Variants in AGTR1 observed in about 807,000 individuals in gnomAD.
The protein encoded by AGTR1 is type-1 angiotensin II receptor.
In AGTR1, 16 loss-of-function variants were observed where a neutral mutation model predicts 19.4. The observed-to-expected ratio is 0.82, with a 90% CI of 0.56 to 1.25. The LOEUF is 1.25. AGTR1 is among the 50% of genes most tolerant of loss of function. The pLI is 0.00. For synonymous variants in AGTR1, 153 were observed against 154.9 expected, an observed-to-expected ratio of 0.99 and a Z score of 0.09; for missense variants, 373 against 431.9, an observed-to-expected ratio of 0.86 and a Z score of 1.21.
chr3:148,741,190 T>C lies in AGTR1; in HGVS notation c.155T>C (p.Val52Ala), dbSNP rs150629733. The part of the protein sequence containing the change: ...GIFGNSLVVI[V>A]IYFYMKLKTV... ...TTTGGAAACAGCTTGGTGGTGATAG[T>C]CATTTACTTTTATATGAAGCTGAAG... The change falls in exon 3 of 3, where the codon GTC (valine) becomes GCC (alanine). Residue 52 changes from valine to alanine, a missense_variant. Physicochemically the swap from Val to Ala is moderately conservative, Grantham distance 64. Transcript: ENST00000349243. 3 of 1,614,174 alleles carry C rather than the reference T, an allele frequency of 1.9e-6. No individual in the cohort carries two copies. Among genetic ancestry groups the C allele is most frequent in the Non-Finnish European group, 2.5e-6 (3 of 1,180,040 alleles).
At chr3:148,713,688 AC>A (rs1713131963) in intron 2 of AGTR1, among the ~76,000 whole-genome samples, 1 of 152,126 alleles carries the variant, frequency 6.6e-6, no homozygotes, top group Non-Finnish European at 1.5e-5. Context: ...GTAGAAAAAA[AC>A]CCAGTATGAC....
Position 148,742,374 on chromosome 3 carries a change from T to G in AGTR1, c.*259T>G. 3.5e-6 allele frequency: 2 copies of G among 566,428 alleles called. No homozygotes were observed. Among genetic ancestry groups the G allele is most frequent in the Non-Finnish European group, 6.5e-6 (2 of 306,988 alleles). 35.1% of individuals were successfully genotyped at this position (566,428 alleles called of 1,614,324 possible). On this transcript the variant is annotated 3_prime_UTR_variant, in exon 3 of 3. Coordinates refer to ENST00000349243, the MANE Select transcript of AGTR1 (RefSeq NM_000685.5). ...AACAATGTCAGAAACTCGATGAATG[T>G]GTTGATTTGAGAAATTTTACTGACA...
intron 2 of AGTR1, among the ~76,000 whole-genome samples, chr3:148,723,676 A>G (rs1713772820): frequency 6.6e-6 from 1 of 152,216 alleles, no homozygotes; most frequent in African/African-American, 2.4e-5. Context: ...TCAGGCTGCC[A>G]TTCTGAAAGC....
intron 2 of AGTR1, among the ~76,000 whole-genome samples, chr3:148,720,832 A>G (rs1053300885): frequency 8.5e-5 from 13 of 152,214 alleles, no homozygotes; most frequent in Middle Eastern, 3.2e-3. Context: ...TGAATTCCAT[A>G]TATTTATAAT....
Position 148,741,958 on chromosome 3 carries a change from A to C in AGTR1, c.923A>C (p.Lys308Thr). ...CTTTTTTATGGCTTTCTGGGGAAAAAATTTAAAAGATATTTTCTCCAGCTT... is the reference window on the plus strand; with the variant it reads ...CTTTTTTATGGCTTTCTGGGGAAAACATTTAAAAGATATTTTCTCCAGCTT... ...NPLFYGFLGK[K>T]FKRYFLQLLK... Residue 308 changes from lysine (K) to threonine (T), a missense_variant, in exon 3 of 3, where the codon AAA becomes ACA. Lys to Thr is a moderately conservative substitution (Grantham distance 78). Coordinates refer to ENST00000349243, the MANE Select transcript of AGTR1 (RefSeq NM_000685.5). The C allele has an allele frequency of 1.2e-6, 2 of 1,613,834 alleles. No homozygotes were observed. Among genetic ancestry groups the C allele is most frequent in the East Asian group, 2.2e-5 (1 of 44,870 alleles).
At chr3:148,724,042 G>C (rs1202613152) in intron 2 of AGTR1, among the ~76,000 whole-genome samples, 1 of 152,046 alleles carries the variant, frequency 6.6e-6, no homozygotes, top group African/African-American at 2.4e-5. Flanking sequence ...GTTCCACAGT[G>C]TTGGGTTTTA....
At chr3:148,714,256 G>A (rs1285348853) in intron 2 of AGTR1, among the ~76,000 whole-genome samples, 1 of 152,078 alleles carries the variant, frequency 6.6e-6, no homozygotes, top group Non-Finnish European at 1.5e-5. Context: ...ATAAAGATGA[G>A]AACAATCACG....
Position 148,701,977 on chromosome 3 carries a change from C to CTT in AGTR1, c.-132+3867_-132+3868dup, listed in dbSNP as rs398062907. Among the ~76,000 whole-genome samples the CTT allele has an allele frequency of 1.4e-3, 182 of 132,650 alleles. 3 individuals are homozygous for CTT. Among genetic ancestry groups the CTT allele is most frequent in the African/African-American group, 3.5e-3 (122 of 34,950 alleles). 87.0% of individuals were successfully genotyped at this position (132,650 alleles called of 152,430 possible). ...GAGAAATACACATATGATTGTGTAC[C>CTT]TTTTTTTTTTTTTTTTTTGAGACAG... On this transcript the variant is annotated intron_variant, in intron 1 of 2. Coordinates refer to ENST00000349243, the MANE Select transcript of AGTR1 (RefSeq NM_000685.5).
At chr3:148,737,459 A>T (rs1002954640) in intron 2 of AGTR1, among the ~76,000 whole-genome samples, 1 of 151,662 alleles carries the variant, frequency 6.6e-6, no homozygotes, top group African/African-American at 2.4e-5. Context: ...AGTATTCCAC[A>T]TGCCTCTGAT....
At chr3:148,708,180 T>A (rs772584211) in intron 2 of AGTR1, among the ~76,000 whole-genome samples, 153 bp downstream of exon 2, 5 of 152,108 alleles carry the variant, frequency 3.3e-5, no homozygotes, top group Non-Finnish European at 7.4e-5. Context: ...CCACATCCCC[T>A]CCAATATACA....
intron 2 of AGTR1, among the ~76,000 whole-genome samples, chr3:148,721,856 G>C (rs185500949): frequency 3.3e-5 from 5 of 152,274 alleles, no homozygotes; most frequent in African/African-American, 7.2e-5. Context: ...TCAAGAGCTA[G>C]AAAATAGTTG....
rs538107957 is a variant in AGTR1, at chr3:148,712,849, G to C, written c.-48+4822G>C. Among the ~76,000 whole-genome samples the C allele has an allele frequency of 1.7e-4, 26 of 152,270 alleles. 1 individual carries two copies. The Middle Eastern group carries it at 0.034, about 199-fold the overall frequency. ...CTAGCTAGTCTTCCTTTCACTTACA[G>C]AATGTTTATCTATACATGACTAAAC... is the stretch of plus-strand genomic sequence containing the variant. On this transcript the variant is annotated intron_variant, in intron 2 of 2. Coordinates refer to ENST00000349243, the MANE Select transcript of AGTR1 (RefSeq NM_000685.5).
intron 1 of AGTR1, among the ~76,000 whole-genome samples, chr3:148,702,246 G>A (rs1246222976): frequency 4.6e-5 from 7 of 151,866 alleles, no homozygotes; most frequent in African/African-American, 1.7e-4. Flanking sequence ...CAAAGTGCTG[G>A]GATTACAGAC....
intron 2 of AGTR1, among the ~76,000 whole-genome samples, chr3:148,709,388 C>G (rs1024643129): frequency 2.6e-5 from 4 of 152,138 alleles, no homozygotes; most frequent in Non-Finnish European, 5.9e-5. Flanking sequence ...TCCTTCTACT[C>G]TATTTGGGAA....
chr3:148,715,518 C>G (rs955050207), intron 2 of AGTR1, among the ~76,000 whole-genome samples: 1 of 151,944 alleles, frequency 6.6e-6, no homozygotes, highest in African/African-American at 2.4e-5. Context: ...AGAGACATCC[C>G]CCAGAGTAAG....
intron 2 of AGTR1, among the ~76,000 whole-genome samples, chr3:148,723,940 G>C (rs908498985): frequency 6.6e-6 from 1 of 152,122 alleles, no homozygotes; most frequent in Non-Finnish European, 1.5e-5. Context: ...TTGGAGTCTC[G>C]TCTCAGTTCT....
chr3:148,730,152 CATT>C (rs1714169156), intron 2 of AGTR1: 3 of 397,970 alleles, frequency 7.5e-6, no homozygotes, highest in South Asian at 1.3e-4. Context: ...TCATCGTGAA[CATT>C]ATTATTATTA....
Position 148,741,844 on chromosome 3 carries a change from T to A in AGTR1, c.809T>A (p.Ile270Asn). 6.2e-7 allele frequency: 1 copy of A among 1,614,044 alleles called. No individual in the cohort carries two copies. The highest frequency in any genetic ancestry group is 8.5e-7 in the Non-Finnish European group (1 of 1,180,018). ...TFLDVLIQLG[I>N]IRDCRIADIV... Reference sequence around the variant, plus strand: ...CTGGATGTATTGATTCAACTAGGCATCATACGTGACTGTAGAATTGCAGAT... The same window carrying A: ...CTGGATGTATTGATTCAACTAGGCAACATACGTGACTGTAGAATTGCAGAT... Residue 270 changes from isoleucine (I) to asparagine (N), a missense_variant, in exon 3 of 3, where the codon ATC becomes AAC. Physicochemically the swap from Ile to Asn is moderately radical, Grantham distance 149. Transcript: ENST00000349243.
chr3:148,737,206 A>C (rs954464390), intron 2 of AGTR1, among the ~76,000 whole-genome samples: 2 of 152,210 alleles, frequency 1.3e-5, no homozygotes, highest in Non-Finnish European at 2.9e-5. Context: ...CCCAGTGCAC[A>C]TCCAGATCCC....
Sources: allele counts gnomAD v4.1 joint callset (sites outside exome capture counted in the v4.1 genomes callset), GRCh38; gene constraint gnomAD v4.1.1; transcripts MANE v1.5; gene names NCBI Gene and HGNC (gene_info 2026-07-23, HGNC 2026-07-21).